Variants in ARHGAP26 observed in about 807,000 individuals in gnomAD.
ARHGAP26 encodes Rho GTPase activating protein 26.
Under a neutral mutation model 104.8 loss-of-function variants are expected in ARHGAP26, and 38 were observed. The observed-to-expected ratio is 0.36, with a 90% CI of 0.28 to 0.48. ARHGAP26 has a LOEUF of 0.48. Ranked by LOEUF, ARHGAP26 falls within the 20% of genes least tolerant of loss-of-function variation. ARHGAP26 has a pLI of 0.99. For synonymous variants in ARHGAP26, 341 were observed against 340.0 expected (o/e 1.00, Z -0.03); for missense variants, 704 against 947.9 (o/e 0.74, Z 3.38).
chr5:143,121,264 G>A (rs758961427), intron 18 of ARHGAP26, 117 bp downstream of exon 18: 28 of 1,061,706 alleles, frequency 2.6e-5, no homozygotes, highest in Non-Finnish European at 3.7e-5. Context: ...CTGTCATGAC[G>A]ATGAAGTTGC....
chr5:143,009,734 A>G (rs1011581910), intron 11 of ARHGAP26, among the ~76,000 whole-genome samples: 2 of 152,262 alleles, frequency 1.3e-5, no homozygotes, highest in East Asian at 1.9e-4. Flanking sequence ...AAATCTTCAT[A>G]TACAATGGTC....
chr5:142,942,613 T>C (rs1190354824), intron 11 of ARHGAP26, among the ~76,000 whole-genome samples: 1 of 152,262 alleles, frequency 6.6e-6, no homozygotes, highest in African/African-American at 2.4e-5. Flanking sequence ...TCTAAGTTCA[T>C]GGACTCCCTG....
At chr5:142,808,227 A>G (rs564156817) in intron 1 of ARHGAP26, among the ~76,000 whole-genome samples, 2 of 113,360 alleles carry the variant, frequency 1.8e-5, no homozygotes, top group South Asian at 3.6e-4. Flanking sequence ...AGAGTGAGAC[A>G]TTGTCTCGGA....
At chr5:142,839,665 C>T (rs1380798902) in intron 1 of ARHGAP26, among the ~76,000 whole-genome samples, 2 of 152,046 alleles carry the variant, frequency 1.3e-5, no homozygotes, top group Admixed American at 6.6e-5. Context: ...CAAAAAAGTT[C>T]TGGAATGAGG....
chr5:143,150,411 T>C (rs765511575), intron 20 of ARHGAP26, among the ~76,000 whole-genome samples: 3 of 152,206 alleles, frequency 2.0e-5, no homozygotes, highest in Non-Finnish European at 4.4e-5. Context: ...GTTCAACCAC[T>C]GTCAACTGAA....
intron 10 of ARHGAP26, chr5:142,922,147 C>CAA (rs1296051104): frequency 6.6e-6 from 1 of 152,100 alleles, no homozygotes; most frequent in Admixed American, 6.5e-5. Context: ...CCTCTCTTTC[C>CAA]AATTTATGGC....
intron 11 of ARHGAP26, among the ~76,000 whole-genome samples, chr5:142,951,551 G>A (rs1317810443): frequency 6.6e-6 from 1 of 152,186 alleles, no homozygotes; most frequent in Admixed American, 6.5e-5. Flanking sequence ...CTTTAGGCCA[G>A]TTAGCTAACT....
intron 11 of ARHGAP26, among the ~76,000 whole-genome samples, chr5:142,991,902 G>T (rs11167795): frequency 0.56 from 85,478 of 152,030 alleles, 27,956 homozygotes; most frequent in Non-Finnish European, 0.74. Context: ...TTTGAAGCTT[G>T]CTCTTCATGA....
intron 1 of ARHGAP26, among the ~76,000 whole-genome samples, chr5:142,785,247 A>G (rs768351365): frequency 2.0e-5 from 3 of 152,142 alleles, no homozygotes; most frequent in Admixed American, 6.5e-5. Flanking sequence ...GCACTCTCCT[A>G]TCTGCTTCGT....
rs1313539714 is a variant in ARHGAP26 at position 142,776,674 on chromosome 5, T to A, written c.154+5759T>A. Among the ~76,000 whole-genome samples, 3 of 152,356 alleles carry A rather than the reference T, an allele frequency of 2.0e-5. No homozygotes were observed. In the East Asian group the frequency reaches 5.8e-4, roughly 29 times the overall value. On this transcript the variant is annotated intron_variant, in intron 1 of 22. Transcript: ENST00000645722. ...ATTTGGGTCATTTCCAGTTTTTTGC[T>A]CTTATGAATAATGCTGCTATGAATG...
chr5:142,920,726 G>C (rs1763086255), intron 10 of ARHGAP26, among the ~76,000 whole-genome samples: 1 of 152,136 alleles, frequency 6.6e-6, no homozygotes, highest in East Asian at 1.9e-4. Flanking sequence ...GTTGTAATAA[G>C]GGATAAGGCA....
intron 1 of ARHGAP26, among the ~76,000 whole-genome samples, chr5:142,845,397 T>C (rs1718029789): frequency 6.6e-6 from 1 of 152,152 alleles, no homozygotes; most frequent in African/African-American, 2.4e-5. Flanking sequence ...ATGTCCAAGG[T>C]GGGAGTCAGG....
chr5:143,100,640 C>T lies in ARHGAP26; in HGVS notation c.1539-20348C>T, dbSNP rs956050740. ...CCAGTTTTAGGTTTTGGACATAAAACCCAGGTAGTCACTGCTTGGCAGTCT... is the reference window on the plus strand; with the variant it reads ...CCAGTTTTAGGTTTTGGACATAAAATCCAGGTAGTCACTGCTTGGCAGTCT... On this transcript the variant is annotated intron_variant, in intron 17 of 22. Coordinates refer to ENST00000645722, the MANE Select transcript of ARHGAP26 (RefSeq NM_001135608.3). 4.0e-4 allele frequency among the ~76,000 whole-genome samples: 61 copies of T among 152,226 alleles called. 1 individual carries two copies.
At chr5:143,041,933 G>T in intron 14 of ARHGAP26, 43 bp downstream of exon 14, 1 of 1,534,512 alleles carries the variant, frequency 6.5e-7, no homozygotes, top group East Asian at 2.4e-5. Context: ...CCTGGATGGG[G>T]GGCCCACTCT....
chr5:143,092,644 G>A (rs934053868), intron 17 of ARHGAP26, among the ~76,000 whole-genome samples: 3 of 151,618 alleles, frequency 2.0e-5, no homozygotes, highest in Non-Finnish European at 4.4e-5. Flanking sequence ...CACAAGATTA[G>A]AAGTTAGGAT....
intron 20 of ARHGAP26, among the ~76,000 whole-genome samples, chr5:143,188,229 C>T (rs1805433190): frequency 6.6e-6 from 1 of 152,206 alleles, no homozygotes; most frequent in African/African-American, 2.4e-5. Flanking sequence ...GGGGCATTCA[C>T]ACTTCCCAGT....
rs1227613799 is a variant in ARHGAP26, at chr5:142,998,562, C to G, written c.1108-15518C>G. 2.6e-5 allele frequency among the ~76,000 whole-genome samples: 4 copies of G among 152,080 alleles called. No individual in the cohort carries two copies. The South Asian group carries it at 8.3e-4, about 31-fold the overall frequency. On this transcript the variant is annotated intron_variant, in intron 11 of 22. Coordinates refer to ENST00000645722, the MANE Select transcript of ARHGAP26 (RefSeq NM_001135608.3). ...GCTTTTGTTCTCTCTAAAGAAGAAG[C>G]AAGAGAGGCTTGGCTAGGCACTGTG... is the stretch of plus-strand genomic sequence containing the variant.
chr5:142,870,284 G>T (rs1755088235), intron 1 of ARHGAP26, among the ~76,000 whole-genome samples: 1 of 152,074 alleles, frequency 6.6e-6, no homozygotes, highest in African/African-American at 2.4e-5. Flanking sequence ...TAAATCTTTG[G>T]GCTGCTCCAT....
chr5:143,155,280 T>C (rs1800341661), intron 20 of ARHGAP26, among the ~76,000 whole-genome samples: 1 of 152,222 alleles, frequency 6.6e-6, no homozygotes, highest in Non-Finnish European at 1.5e-5. Flanking sequence ...CTCAGGCTCC[T>C]GGGCTGTGGA....
Sources: allele counts gnomAD v4.1 joint callset (sites outside exome capture counted in the v4.1 genomes callset), GRCh38; gene constraint gnomAD v4.1.1; transcripts MANE v1.5; gene names NCBI Gene and HGNC (gene_info 2026-07-23, HGNC 2026-07-21).